Variants in UBR3 observed in about 807,000 individuals in gnomAD.
UBR3 encodes E3 ubiquitin-protein ligase UBR3.
A neutral mutation model predicts 243.2 loss-of-function variants in UBR3; 85 were observed. That is an observed-to-expected ratio of 0.35 (90% CI 0.29 to 0.42). UBR3 has a LOEUF of 0.42. Among genes scored for constraint, UBR3 ranks in the 10% least tolerant of loss-of-function variants. The pLI is 1.00. For synonymous variants in UBR3, 748 were observed against 799.8 expected, an observed-to-expected ratio of 0.94 and a Z score of 1.09; for missense variants, 1,686 against 2,300.8, an observed-to-expected ratio of 0.73 and a Z score of 5.47.
At chr2:169,931,454 C>T (rs1265774000) in intron 18 of UBR3, among the ~76,000 whole-genome samples, 4 of 149,198 alleles carry the variant, frequency 2.7e-5, no homozygotes, top group African/African-American at 9.9e-5. Context: ...ACTTCTGATA[C>T]TTTAAGATGA....
chr2:169,926,993 A>G, intron 16 of UBR3, 22 bp downstream of exon 16: 1 of 1,539,204 alleles, frequency 6.5e-7, no homozygotes, highest in Non-Finnish European at 8.8e-7. Flanking sequence ...TGATACTAAT[A>G]CTTATGCATT....
At chr2:169,996,205 G>A (rs1246361395) in intron 26 of UBR3, among the ~76,000 whole-genome samples, 2 of 152,180 alleles carry the variant, frequency 1.3e-5, no homozygotes, top group East Asian at 1.9e-4. Context: ...GTTTCTGGTG[G>A]CTTCTGCAGG....
intron 26 of UBR3, among the ~76,000 whole-genome samples, chr2:169,996,451 C>T (rs1027329159): frequency 1.3e-5 from 2 of 152,098 alleles, no homozygotes; most frequent in African/African-American, 4.8e-5. Context: ...TAATACAGGT[C>T]AATATAAATG....
At chr2:170,026,244 A>G (rs1251755247) in intron 30 of UBR3, among the ~76,000 whole-genome samples, 3 of 152,078 alleles carry the variant, frequency 2.0e-5, no homozygotes, top group Non-Finnish European at 4.4e-5. Context: ...ATATGTTAAT[A>G]TGTGTTTGTA....
At chr2:169,945,621 A>T (rs1054655154) in intron 20 of UBR3, among the ~76,000 whole-genome samples, 1 of 152,176 alleles carries the variant, frequency 6.6e-6, no homozygotes, top group East Asian at 1.9e-4. Flanking sequence ...TGAGGACAAG[A>T]TGATATCTGC....
At chr2:169,914,027 C>A (rs896075490) in intron 10 of UBR3, 33 bp from the exon 11 acceptor site, 13 of 1,028,252 alleles carry the variant, frequency 1.3e-5, no homozygotes, top group Non-Finnish European at 1.7e-5. Context: ...GTTTATATAT[C>A]ATAAATTTAT....
intron 32 of UBR3, among the ~76,000 whole-genome samples, chr2:170,052,720 T>C (rs1236340149): frequency 6.6e-6 from 1 of 152,156 alleles, no homozygotes; most frequent in Non-Finnish European, 1.5e-5. Flanking sequence ...TCAACGGGTG[T>C]GTACTTTCAG....
intron 26 of UBR3, among the ~76,000 whole-genome samples, chr2:169,998,448 CT>C (rs1158318106): frequency 6.6e-6 from 1 of 152,114 alleles, no homozygotes; most frequent in Non-Finnish European, 1.5e-5. Flanking sequence ...CTTTTGTATG[CT>C]TTTATAAGAC....
intron 5 of UBR3, among the ~76,000 whole-genome samples, chr2:169,886,316 A>G (rs1454852492): frequency 6.6e-6 from 1 of 152,202 alleles, no homozygotes; most frequent in Non-Finnish European, 1.5e-5. Flanking sequence ...TTTCCAGTGC[A>G]GGAATTGATT....
chr2:170,007,434 A>G (rs1013334867), intron 28 of UBR3, among the ~76,000 whole-genome samples: 1 of 152,188 alleles, frequency 6.6e-6, no homozygotes, highest in Non-Finnish European at 1.5e-5. Context: ...AAGAACCCCT[A>G]TAGGTTTAGA....
chr2:170,021,797 G>C (rs1315059702), intron 30 of UBR3, among the ~76,000 whole-genome samples: 19 of 152,080 alleles, frequency 1.2e-4, no homozygotes, highest in Admixed American at 1.2e-3. Context: ...TAGAGGAGTG[G>C]CTTTAAATTT....
intron 32 of UBR3, among the ~76,000 whole-genome samples, chr2:170,054,561 C>T (rs1348855879): frequency 1.3e-5 from 2 of 151,940 alleles, no homozygotes; most frequent in Non-Finnish European, 2.9e-5. Context: ...GGATTACAGG[C>T]GTGAGCCACC....
At chr2:169,939,097 T>C (rs2086464839) in intron 19 of UBR3, among the ~76,000 whole-genome samples, 1 of 152,102 alleles carries the variant, frequency 6.6e-6, no homozygotes, top group Non-Finnish European at 1.5e-5. Context: ...GTGTTTTTAT[T>C]CCTATTATTT....
intron 1 of UBR3, among the ~76,000 whole-genome samples, chr2:169,831,750 T>C (rs886272720): frequency 4.6e-5 from 7 of 152,170 alleles, no homozygotes; most frequent in Non-Finnish European, 8.8e-5. Flanking sequence ...CTTGTAACAG[T>C]GTTCTCATGG....
rs149401974 is a variant in UBR3 at position 169,935,012 on chromosome 2, CCT to C, written c.2663+2005_2663+2006del. Among the ~76,000 whole-genome samples the C allele has an allele frequency of 9.6e-3, 1,455 of 152,220 alleles. 25 individuals carry two copies. The highest frequency in any genetic ancestry group is 0.032 in the African/African-American group (1,337 of 41,542). On this transcript the variant is annotated intron_variant, in intron 19 of 38. Transcript: ENST00000272793. ...CTTCCCTCACTCCCTTCCAAATACC[CCT>C]GAGTGGGCATTCAACTCTTAAAAAG... is the stretch of plus-strand genomic sequence containing the variant.
At chr2:169,862,380 A>G (rs2083123767) in intron 1 of UBR3, among the ~76,000 whole-genome samples, 1 of 152,188 alleles carries the variant, frequency 6.6e-6, no homozygotes, top group African/African-American at 2.4e-5. Context: ...GTATATTTAG[A>G]AAAATGGCCC....
chr2:170,034,318 C>T (rs1032283869), intron 31 of UBR3, among the ~76,000 whole-genome samples: 2 of 151,960 alleles, frequency 1.3e-5, no homozygotes, highest in African/African-American at 2.4e-5. Flanking sequence ...TAAAAAAACC[C>T]TCTGTGCTCT....
At chr2:169,836,283 C>T (rs1213322389) in intron 1 of UBR3, among the ~76,000 whole-genome samples, 2 of 150,814 alleles carry the variant, frequency 1.3e-5, no homozygotes, top group African/African-American at 2.4e-5. Flanking sequence ...GGGGGTTTCA[C>T]CATATTGGCC....
At chr2:170,024,948 T>A (rs2090489447) in intron 30 of UBR3, among the ~76,000 whole-genome samples, 2 of 152,114 alleles carry the variant, frequency 1.3e-5, no homozygotes, top group African/African-American at 4.8e-5. Flanking sequence ...GCTTTAGTAG[T>A]TAGAGTTGGG....
Sources: allele counts gnomAD v4.1 joint callset (sites outside exome capture counted in the v4.1 genomes callset), GRCh38; gene constraint gnomAD v4.1.1; transcripts MANE v1.5; gene names NCBI Gene and HGNC (gene_info 2026-07-23, HGNC 2026-07-21).